Variants in GRIK2 observed in about 807,000 individuals in gnomAD.
The protein encoded by GRIK2 is glutamate receptor ionotropic, kainate 2.
In GRIK2, 32 loss-of-function variants were observed where a neutral mutation model predicts 100.3. That is an observed-to-expected ratio of 0.32 (90% CI 0.24 to 0.43). GRIK2 has a LOEUF of 0.43. GRIK2 is among the 20% of genes least tolerant of loss of function. The pLI is 1.00. For synonymous variants in GRIK2, 417 were observed against 389.4 expected (o/e 1.07, Z -0.83); for missense variants, 843 against 1,114.9 (o/e 0.76, Z 3.47).
At chr6:102,067,775 T>A (rs1231805188) in intron 16 of GRIK2, among the ~76,000 whole-genome samples, 3 of 151,928 alleles carry the variant, frequency 2.0e-5, no homozygotes, top group Non-Finnish European at 4.4e-5. Flanking sequence ...TATTTGTTTG[T>A]AATCACTGTC....
At chr6:101,980,348 T>G (rs938629765) in intron 14 of GRIK2, among the ~76,000 whole-genome samples, 3 of 151,992 alleles carry the variant, frequency 2.0e-5, no homozygotes, top group Non-Finnish European at 4.4e-5. Flanking sequence ...GGGAGAGCTC[T>G]TTTTTGAGGG....
At chr6:101,605,413 T>C (rs1387802749) in intron 2 of GRIK2, among the ~76,000 whole-genome samples, 1 of 152,018 alleles carries the variant, frequency 6.6e-6, no homozygotes, top group Non-Finnish European at 1.5e-5. Flanking sequence ...TCCTTTTTCT[T>C]TCCTTTTTTT....
intron 4 of GRIK2, among the ~76,000 whole-genome samples, chr6:101,673,026 A>T (rs947420952): frequency 2.4e-4 from 36 of 152,188 alleles, no homozygotes; most frequent in African/African-American, 7.7e-4. Flanking sequence ...TTACATTCCC[A>T]CCTTTTCTCC....
chr6:101,816,661 A>G (rs371340598), intron 9 of GRIK2, among the ~76,000 whole-genome samples: 7 of 152,294 alleles, frequency 4.6e-5, no homozygotes, highest in African/African-American at 1.7e-4. Context: ...ATTGCACTTC[A>G]GCCTGGTGAC....
chr6:101,972,558 A>C (rs571669108), intron 14 of GRIK2, among the ~76,000 whole-genome samples: 1 of 145,072 alleles, frequency 6.9e-6, no homozygotes, highest in Middle Eastern at 3.4e-3. Flanking sequence ...TTGTCTGTTT[A>C]CTCTGTCGAT....
intron 2 of GRIK2, among the ~76,000 whole-genome samples, chr6:101,404,517 C>T (rs1775497340): frequency 6.6e-6 from 1 of 152,178 alleles, no homozygotes; most frequent in Non-Finnish European, 1.5e-5. Context: ...GTTATGGTAG[C>T]CCCAATTACA....
intron 11 of GRIK2, among the ~76,000 whole-genome samples, chr6:101,876,570 A>G (rs1488066680): frequency 6.6e-6 from 1 of 151,774 alleles, no homozygotes; most frequent in Non-Finnish European, 1.5e-5. Context: ...TGAAAGTGCC[A>G]GAGGCCTGTC....
intron 9 of GRIK2, among the ~76,000 whole-genome samples, chr6:101,815,765 A>G (rs771823287): frequency 1.8e-4 from 27 of 152,164 alleles, no homozygotes; most frequent in Non-Finnish European, 2.9e-4. Context: ...AATTTCCTCA[A>G]TGGAAGAAAG....
intron 9 of GRIK2, among the ~76,000 whole-genome samples, chr6:101,807,374 A>G (rs1195444657): frequency 6.6e-6 from 1 of 152,046 alleles, no homozygotes; most frequent in Admixed American, 6.6e-5. Context: ...TACATTAAAC[A>G]GTAAAACTCA....
At chr6:101,483,703 G>C (rs1237394930) in intron 2 of GRIK2, among the ~76,000 whole-genome samples, 2 of 152,150 alleles carry the variant, frequency 1.3e-5, no homozygotes, top group Non-Finnish European at 2.9e-5. Flanking sequence ...AGCCTCCTGA[G>C]TAGCTGGGAT....
intron 10 of GRIK2, among the ~76,000 whole-genome samples, chr6:101,829,366 T>G (rs986601354): frequency 3.3e-5 from 5 of 152,008 alleles, no homozygotes; most frequent in African/African-American, 1.2e-4. Context: ...ACCAGTTCTA[T>G]TCAACATTTT....
intron 4 of GRIK2, among the ~76,000 whole-genome samples, chr6:101,638,216 TTATCAAG>T (rs1781115992): frequency 1.3e-5 from 2 of 150,178 alleles, no homozygotes; most frequent in Admixed American, 6.7e-5. Flanking sequence ...CCACAAGTAA[TTATCAAG>T]TATCTAGTAT....
At chr6:101,887,805 T>C (rs1458880407) in intron 11 of GRIK2, among the ~76,000 whole-genome samples, 1 of 151,978 alleles carries the variant, frequency 6.6e-6, no homozygotes, top group Non-Finnish European at 1.5e-5. Flanking sequence ...GAGACAGCAG[T>C]AGAAGACTGG....
At chr6:101,579,117 G>GTC (rs1487037187) in intron 2 of GRIK2, among the ~76,000 whole-genome samples, 1 of 151,744 alleles carries the variant, frequency 6.6e-6, no homozygotes, top group Non-Finnish European at 1.5e-5. Context: ...AATGCCTGAT[G>GTC]TCACACACAC....
At chr6:101,799,562 C>A in intron 7 of GRIK2, 86 bp from the exon 8 acceptor site, 1 of 986,180 alleles carries the variant, frequency 1.0e-6, no homozygotes, top group Non-Finnish European at 1.6e-6. Flanking sequence ...TTTCCCTTAC[C>A]TCTTCCCTCT....
At chr6:102,053,897 A>G (rs1014361862) in intron 15 of GRIK2, among the ~76,000 whole-genome samples, 2 of 152,168 alleles carry the variant, frequency 1.3e-5, no homozygotes, top group Non-Finnish European at 2.9e-5. Flanking sequence ...AAGTTGGGCT[A>G]ATATATTGAA....
chr6:101,930,250 G>A (rs1259870431), intron 14 of GRIK2, among the ~76,000 whole-genome samples: 6 of 151,862 alleles, frequency 4.0e-5, no homozygotes, highest in Non-Finnish European at 7.4e-5. Context: ...GCTGAGGCTG[G>A]AGAATCACTT....
intron 2 of GRIK2, among the ~76,000 whole-genome samples, chr6:101,452,621 C>G (rs916448602): frequency 1.3e-5 from 2 of 151,684 alleles, no homozygotes; most frequent in Non-Finnish European, 2.9e-5. Context: ...TATGTTTGCT[C>G]AATGCTTAAG....
At chr6:101,877,799 T>C (rs115810518) in intron 11 of GRIK2, among the ~76,000 whole-genome samples, 3,873 of 151,960 alleles carry the variant, frequency 0.025, 179 homozygotes, top group African/African-American at 0.088. Context: ...TGTTCCTTAA[T>C]ACATTTTCAT....
Sources: gnomAD v4.1 joint callset for allele counts (sites outside exome capture counted in the v4.1 genomes callset) on GRCh38, gnomAD v4.1.1 for gene constraint, MANE v1.5 for transcripts, NCBI Gene and HGNC (gene_info 2026-07-23, HGNC 2026-07-21) for gene names.